The following EBF1 variants were observed in gnomAD, a reference collection of about 807,000 sequenced individuals.
EBF1 encodes transcription factor COE1.
A neutral mutation model predicts 68.4 loss-of-function variants in EBF1; 10 were observed. That is an observed-to-expected ratio of 0.15 (90% CI 0.09 to 0.25). The LOEUF (loss-of-function observed/expected upper bound fraction) is 0.25, where lower values mean the gene tolerates loss of function less well. EBF1 is among the 10% of genes least tolerant of loss of function. EBF1 has a pLI of 1.00. For missense variants in EBF1, 509 were observed against 794.4 expected, an observed-to-expected ratio of 0.64 and a Z score of 4.32; for synonymous variants, 298 against 299.8, an observed-to-expected ratio of 0.99 and a Z score of 0.06.
chr5:158,721,012 C>T (rs1227036872), intron 11 of EBF1, among the ~76,000 whole-genome samples: 1 of 152,144 alleles, frequency 6.6e-6, no homozygotes, highest in Admixed American at 6.5e-5. Flanking sequence ...ATTCAAACCA[C>T]AGTAAAAATC....
intron 11 of EBF1, among the ~76,000 whole-genome samples, chr5:158,718,210 G>A (rs1325339109): frequency 6.6e-6 from 1 of 152,044 alleles, no homozygotes; most frequent in African/African-American, 2.4e-5. Context: ...CAACTTTCAG[G>A]GCACATTATC....
intron 8 of EBF1, among the ~76,000 whole-genome samples, chr5:158,806,056 A>T (rs1314589887): frequency 1.3e-5 from 2 of 152,110 alleles, no homozygotes; most frequent in Non-Finnish European, 2.9e-5. Flanking sequence ...TTTGTCCTCC[A>T]TGTATATATC....
At chr5:159,054,767 C>G (rs1311473917) in intron 6 of EBF1, among the ~76,000 whole-genome samples, 1 of 152,220 alleles carries the variant, frequency 6.6e-6, no homozygotes, top group African/African-American at 2.4e-5. Flanking sequence ...GCTGCTTCAT[C>G]TGGAAGACAA....
chr5:158,853,452 C>A (rs1450829318), intron 6 of EBF1, among the ~76,000 whole-genome samples: 1 of 152,126 alleles, frequency 6.6e-6, no homozygotes, highest in Non-Finnish European at 1.5e-5. Context: ...AGATGTGCAG[C>A]TGGGGTTGCT....
chr5:158,779,908 A>G (rs887787576), intron 9 of EBF1, among the ~76,000 whole-genome samples: 15 of 152,284 alleles, frequency 9.9e-5, no homozygotes, highest in African/African-American at 3.1e-4. Context: ...TTTCATTTTC[A>G]ATTTTAATTA....
chr5:158,769,272 T>C (rs1773404953), intron 10 of EBF1, among the ~76,000 whole-genome samples: 2 of 152,270 alleles, frequency 1.3e-5, no homozygotes, highest in South Asian at 2.1e-4. Context: ...TATGTTTTCT[T>C]TGGACAGGGA....
chr5:158,853,187 A>G (rs2128003676), intron 6 of EBF1, among the ~76,000 whole-genome samples: 1 of 152,316 alleles, frequency 6.6e-6, no homozygotes, highest in South Asian at 2.1e-4. Flanking sequence ...TTTTTTAGAG[A>G]ACAACTTCGC....
At chr5:158,806,146 G>T (rs1781550016) in intron 8 of EBF1, among the ~76,000 whole-genome samples, 1 of 152,022 alleles carries the variant, frequency 6.6e-6, no homozygotes, top group Non-Finnish European at 1.5e-5. Context: ...AAGGCCAGTG[G>T]GTTGCCATTA....
chr5:158,702,749 A>C (rs1757021526), intron 15 of EBF1, among the ~76,000 whole-genome samples: 3 of 145,546 alleles, frequency 2.1e-5, no homozygotes, highest in African/African-American at 7.7e-5. Context: ...TTCTCAAAAA[A>C]AAAAAAAAAA....
At chr5:158,999,731 A>T (rs1462877797) in intron 6 of EBF1, among the ~76,000 whole-genome samples, 1 of 152,228 alleles carries the variant, frequency 6.6e-6, no homozygotes, top group Non-Finnish European at 1.5e-5. Flanking sequence ...ATGAAGCACA[A>T]AGATTCAATA....
At chr5:158,965,631 G>C (rs1341868483) in intron 6 of EBF1, among the ~76,000 whole-genome samples, 1 of 152,164 alleles carries the variant, frequency 6.6e-6, no homozygotes, top group African/African-American at 2.4e-5. Context: ...GTTGATTTAA[G>C]ATTTGGGATT....
chr5:159,039,350 T>C (rs1056024778), intron 6 of EBF1, among the ~76,000 whole-genome samples: 3 of 152,272 alleles, frequency 2.0e-5, no homozygotes, highest in African/African-American at 7.2e-5. Context: ...ATTACTTTCA[T>C]ACTTGGAAAA....
At chr5:159,027,821 C>G (rs543897465) in intron 6 of EBF1, among the ~76,000 whole-genome samples, 7 of 152,292 alleles carry the variant, frequency 4.6e-5, no homozygotes, top group African/African-American at 1.7e-4. Flanking sequence ...GCAGGGTAGG[C>G]CACAGCTGAA....
chr5:158,994,149 A>G (rs1760939515), intron 6 of EBF1, among the ~76,000 whole-genome samples: 1 of 152,166 alleles, frequency 6.6e-6, no homozygotes. Flanking sequence ...TCTCAGAAGG[A>G]GAACAACATG....
At chr5:158,737,488 G>A (rs996159304) in intron 10 of EBF1, among the ~76,000 whole-genome samples, 3 of 151,734 alleles carry the variant, frequency 2.0e-5, no homozygotes, top group African/African-American at 7.3e-5. Flanking sequence ...GTTTCACCGT[G>A]TTAGACAGGA....
intron 6 of EBF1, among the ~76,000 whole-genome samples, chr5:158,920,964 T>C (rs1583179612): frequency 6.6e-6 from 1 of 152,178 alleles, no homozygotes; most frequent in South Asian, 2.1e-4. Context: ...AAATTAGCCA[T>C]ATGGGAACCT....
chr5:158,956,241 A>G (rs1311795536), intron 6 of EBF1, among the ~76,000 whole-genome samples: 1 of 152,184 alleles, frequency 6.6e-6, no homozygotes, highest in East Asian at 1.9e-4. Context: ...TTTTCAGATC[A>G]AGTTCTATGC....
At chr5:159,051,482 T>C (rs890962481) in intron 6 of EBF1, among the ~76,000 whole-genome samples, 1 of 129,050 alleles carries the variant, frequency 7.7e-6, no homozygotes, top group South Asian at 2.8e-4. Context: ...CCGCTCCACA[T>C]GTGCGACTCG....
intron 6 of EBF1, among the ~76,000 whole-genome samples, chr5:159,038,904 C>T (rs2127768615): frequency 6.6e-6 from 1 of 152,180 alleles, no homozygotes; most frequent in Middle Eastern, 3.4e-3. Flanking sequence ...TTCCTGGGCC[C>T]CCATCTACAA....
Sources: gnomAD v4.1 joint callset for allele counts (sites outside exome capture counted in the v4.1 genomes callset) on GRCh38, gnomAD v4.1.1 for gene constraint, MANE v1.5 for transcripts, NCBI Gene and HGNC (gene_info 2026-07-23, HGNC 2026-07-21) for gene names.